SPTBN5: variants seen among roughly 807,000 people sequenced by gnomAD.
SPTBN5 encodes the protein spectrin beta chain, non-erythrocytic 5.
In SPTBN5, 513 loss-of-function variants were observed where a neutral mutation model predicts 477.6. The observed-to-expected ratio is 1.07, with a 90% CI of 1.00 to 1.16. The LOEUF is 1.16. Ranked by LOEUF, SPTBN5 falls within the 50% of genes most tolerant of loss-of-function variation. The pLI is 0.00. For synonymous variants in SPTBN5, 2,169 were observed against 2,011.7 expected (o/e 1.08, Z -2.09); for missense variants, 5,062 against 4,731.8 (o/e 1.07, Z -2.05).
In SPTBN5 at chr15:41,878,335, T is replaced by C. The variant is rs751478188; in HGVS notation, c.3470+7A>G. The C allele has an allele frequency of 6.2e-7, 1 of 1,613,160 alleles. No homozygotes were observed. Among genetic ancestry groups the C allele is most frequent in the South Asian group, 1.1e-5 (1 of 91,046 alleles). The stretch of plus-strand genomic sequence containing the variant: ...AAAGTGCACCCCTTCTGCCCTCCTG[T>C]CCTGACCTCTCCTGCCACAGGTGGA... On this transcript the variant is annotated splice_region_variant and intron_variant, in intron 17 of 67. Transcript: ENST00000320955.
intron 53 of SPTBN5, 145 bp downstream of exon 53, chr15:41,856,239 CAT>C (rs2065925889): frequency 1.2e-5 from 9 of 739,478 alleles, no homozygotes; most frequent in South Asian, 8.9e-5. Context: ...TTCTGGGAAA[CAT>C]GTGGAAGGAA....
Position 41,855,592 on chromosome 15 carries a change from G to A in SPTBN5, c.9175C>T (p.Gln3059Ter). Reference protein sequence around the residue: ...EAFSPRIERLQQTAALLESRK... With the variant: ...EAFSPRIERL ...CTCTCCAGGAGTGCTGCTGTCTGCT[G>A]CAGCCGCTCGATGCGTGGGCTGAAC... Residue 3059 changes from glutamine to a stop codon, truncating the protein, a stop_gained, in exon 54 of 68, where the codon CAG becomes TAG. Coordinates refer to ENST00000320955, the MANE Select transcript of SPTBN5 (RefSeq NM_016642.4). LOFTEE classifies it high-confidence loss of function. 6.2e-7 allele frequency: 1 copy of A among 1,611,946 alleles called. No individual in the cohort carries two copies.
rs763263323 is a variant in SPTBN5, at chr15:41,852,704, T to C, written c.10379A>G (p.His3460Arg). 4 of 1,612,616 alleles carry C rather than the reference T, an allele frequency of 2.5e-6. No homozygotes were observed. The highest frequency in any genetic ancestry group is 1.7e-6 in the Non-Finnish European group (2 of 1,179,594). The change falls in exon 61 of 68, where the codon CAC (histidine) becomes CGC (arginine). Residue 3460 changes from histidine (H) to arginine (R), a missense_variant. His to Arg is a conservative substitution (Grantham distance 29). Coordinates refer to ENST00000320955, the MANE Select transcript of SPTBN5 (RefSeq NM_016642.4). ...HSVSDVELLL[H>R]RHQDLEKLLA... is the part of the protein sequence containing the mutation. ...CAGCTTTTCTAAGTCCTGGTGTCTG[T>C]GCAGCAGCAACTCCACATCTGACAC...
rs749036253 is a variant in SPTBN5, at chr15:41,882,628, C to T, written c.2003G>A (p.Gly668Asp). The change falls in exon 10 of 68, where the codon GGC (glycine) becomes GAC (aspartate). Residue 668 changes from glycine (G) to aspartate (D), a missense_variant. Gly to Asp is a moderately conservative substitution (Grantham distance 94). Coordinates refer to ENST00000320955, the MANE Select transcript of SPTBN5 (RefSeq NM_016642.4). ...CGQRVGNAAL[G>D]RDLSQIAGAL... The stretch of plus-strand genomic sequence containing the variant: ...GCCTGCGATCTGGCTGAGATCCCGG[C>T]CCAGGGCCGCATTCCCCACCCGCTG... 2.1e-5 allele frequency: 33 copies of T among 1,606,918 alleles called. No homozygotes were observed. The highest frequency in any genetic ancestry group is 1.7e-4 in the Middle Eastern group (1 of 6,050).
chr15:41,885,675 T>A, intron 7 of SPTBN5, 60 bp downstream of exon 7: 2 of 1,502,410 alleles, frequency 1.3e-6, no homozygotes, highest in South Asian at 2.5e-5. Context: ...CATGGAAGGA[T>A]GGGGGTGTGG....
In SPTBN5 at chr15:41,871,443, C is replaced by T. The variant is rs2066532661; in HGVS notation, c.5379G>A (p.Leu1793=). The T allele has an allele frequency of 1.3e-6, 2 of 1,541,844 alleles. No individual in the cohort carries two copies. Among genetic ancestry groups the T allele is most frequent in the East Asian group, 2.5e-5 (1 of 40,312 alleles). The change falls in exon 29 of 68, where the codon CTG becomes CTA. Residue 1793 remains leucine (L), a synonymous_variant. Transcript: ENST00000320955. ...GCCCACGCTCTAGCAGGCTCTCCGC[C>T]AGCAGCCGGCAGGCGGCCACCCGCT... ...GSQRVAACRL[L]AESLLERGHS...
At chr15:41,887,131 A>T in intron 6 of SPTBN5, 82 bp downstream of exon 6, 1 of 1,278,092 alleles carries the variant, frequency 7.8e-7, no homozygotes, top group Non-Finnish European at 1.1e-6. Context: ...CCACACAGCT[A>T]GTACGTGGCA....
Position 41,865,340 on chromosome 15 carries a change from T to A in SPTBN5, c.6918+468A>T, listed in dbSNP as rs978060339. The stretch of plus-strand genomic sequence containing the variant: ...TATGTCCTATCTTTTTAAGATTTTT[T>A]GAAATAATTATAGATGCCCAGGAAA... On this transcript the variant is annotated intron_variant, in intron 39 of 67. Transcript: ENST00000320955. 4.6e-5 allele frequency among the ~76,000 whole-genome samples: 7 copies of A among 152,306 alleles called. No homozygotes were observed. In the East Asian group the frequency reaches 1.4e-3, roughly 29 times the overall value.
chr15:41,887,018 T>C (rs2067175318), intron 6 of SPTBN5, among the ~76,000 whole-genome samples, 195 bp downstream of exon 6: 1 of 152,232 alleles, frequency 6.6e-6, no homozygotes, highest in Admixed American at 6.5e-5. Flanking sequence ...CTGGGTCCAT[T>C]ACCCATGCTC....
chr15:41,892,677 G>C, intron 3 of SPTBN5: 2 of 521,180 alleles, frequency 3.8e-6, no homozygotes, highest in Non-Finnish European at 6.7e-6. Flanking sequence ...GACCTGGATT[G>C]CTACTGCCAT....
rs1275574162 is a variant in SPTBN5 at position 41,878,531 on chromosome 15, C to T, written c.3281G>A (p.Arg1094Gln). 20 of 1,612,814 alleles carry T rather than the reference C, an allele frequency of 1.2e-5. No individual in the cohort carries two copies. Among genetic ancestry groups the T allele is most frequent in the East Asian group, 6.7e-5 (3 of 44,866 alleles). Residue 1094 changes from arginine (R) to glutamine (Q), a missense_variant, in exon 17 of 68, where the codon CGG becomes CAG. Transcript: ENST00000320955. The part of the protein sequence containing the change: ...LKQVQEQVAQ[R>Q]ARRQAETQAR... The stretch of plus-strand genomic sequence containing the variant: ...CTGAGTCTCAGCCTGGCGCCGGGCC[C>T]GTTGGGCCACTTGTTCCTGTACTTG...
chr15:41,852,380 C>G, intron 61 of SPTBN5, 64 bp from the exon 62 acceptor site: 1 of 1,497,432 alleles, frequency 6.7e-7, no homozygotes, highest in East Asian at 2.5e-5. Context: ...ACCTCAGGTT[C>G]CCGTCTACCT....
chr15:41,852,527 T>A, intron 61 of SPTBN5, 107 bp downstream of exon 61: 1 of 1,367,822 alleles, frequency 7.3e-7, no homozygotes, highest in Non-Finnish European at 1.0e-6. Context: ...AAGGAGCAGG[T>A]AAGGCAGGGC....
At position 41,887,245 on chromosome 15, in the gene SPTBN5, G is replaced by A; in HGVS notation, c.856C>T (p.Gln286Ter). The change falls in exon 6 of 68, where the codon CAG becomes TAG. Residue 286 changes from glutamine to a stop codon, truncating the protein, a stop_gained. Transcript: ENST00000320955. LOFTEE classifies it high-confidence loss of function. ...LYYHYCSRLH[Q>*]GQTVQRRLTK... is the part of the protein sequence containing the mutation. The stretch of plus-strand genomic sequence containing the variant: ...AGTCTCCTCTGGACAGTCTGCCCCT[G>A]ATGCAGGCGGGAGCAGTAGTGGTAG... 2 of 1,551,502 alleles carry A rather than the reference G, an allele frequency of 1.3e-6. No homozygotes were observed. The highest frequency in any genetic ancestry group is 1.7e-6 in the Non-Finnish European group (2 of 1,146,970).
intron 16 of SPTBN5, among the ~76,000 whole-genome samples, 185 bp downstream of exon 16, chr15:41,879,075 A>T (rs529567997): frequency 3.2e-4 from 48 of 152,202 alleles, no homozygotes; most frequent in African/African-American, 1.1e-3. Flanking sequence ...AAAAAGAAAT[A>T]AAAAAACATA....
At chr15:41,867,170 G>C in intron 35 of SPTBN5, 44 bp from the exon 36 acceptor site, 1 of 1,496,394 alleles carries the variant, frequency 6.7e-7, no homozygotes. Flanking sequence ...CCCTGGGCTG[G>C]GGCAGGGCCT....
intron 25 of SPTBN5, 104 bp from the exon 26 acceptor site, chr15:41,873,712 C>T (rs2066618573): frequency 6.9e-7 from 1 of 1,454,944 alleles, no homozygotes; most frequent in African/African-American, 1.4e-5. Flanking sequence ...GGCTTCTGTG[C>T]CCATAGGGGC....
At chr15:41,862,059 G>T in intron 44 of SPTBN5, 71 bp downstream of exon 44, 1 of 1,495,634 alleles carries the variant, frequency 6.7e-7, no homozygotes, top group Non-Finnish European at 8.9e-7. Context: ...CAAGAGCAAG[G>T]AGATGAGAGG....
intron 11 of SPTBN5, 35 bp downstream of exon 11, chr15:41,882,232 GCC>G: frequency 1.6e-6 from 2 of 1,254,126 alleles, no homozygotes; most frequent in Non-Finnish European, 2.1e-6. Context: ...GCCTCGCCGG[GCC>G]CCGCCCCCAC....
Sources: allele counts gnomAD v4.1 joint callset (sites outside exome capture counted in the v4.1 genomes callset), GRCh38; gene constraint gnomAD v4.1.1; transcripts MANE v1.5; gene names NCBI Gene and HGNC (gene_info 2026-07-23, HGNC 2026-07-21).